L3MBTL1: variants seen among roughly 807,000 people sequenced by gnomAD.
L3MBTL1 encodes the protein lethal(3)malignant brain tumor-like protein 1.
L3MBTL1 carries 75 observed loss-of-function variants against 105.3 expected under a neutral mutation model. The ratio of observed to expected loss-of-function variants is 0.71; its 90% CI spans 0.59 to 0.86. The LOEUF (loss-of-function observed/expected upper bound fraction) is 0.86. L3MBTL1 is among the 40% of genes least tolerant of loss of function. The pLI is 0.00. For missense variants in L3MBTL1, 1,069 were observed against 1,126.4 expected (o/e 0.95, Z 0.73); for synonymous variants, 452 against 436.2 (o/e 1.04, Z -0.45).
At chr20:43,546,890 A>G (rs1213012715), downstream of L3MBTL1, among the ~76,000 whole-genome samples, 4 of 152,244 alleles carry the variant, frequency 2.6e-5, no homozygotes, top group South Asian at 2.1e-4. Flanking sequence ...TCATAACCAC[A>G]ATATTGTTAT....
chr20:43,529,612 A>G (rs1317544337), intron 9 of L3MBTL1, among the ~76,000 whole-genome samples: 8 of 152,194 alleles, frequency 5.3e-5, no homozygotes, highest in Non-Finnish European at 2.9e-5. Flanking sequence ...CCCGAGGGCC[A>G]GGGATGTTGG....
At chr20:43,528,560 GT>G in intron 7 of L3MBTL1, 96 bp from the exon 8 acceptor site, 1 of 857,416 alleles carries the variant, frequency 1.2e-6, no homozygotes, top group Admixed American at 1.9e-5. Context: ...ACAAAGATTT[GT>G]TTTGGGGGTG....
chr20:43,544,950 G>A (rs975832880), downstream of L3MBTL1, among the ~76,000 whole-genome samples: 2 of 152,008 alleles, frequency 1.3e-5, no homozygotes, highest in Non-Finnish European at 2.9e-5. Flanking sequence ...TGGGCACAGA[G>A]CAAGACTCTG....
intron 4 of L3MBTL1, 102 bp from the exon 5 acceptor site, chr20:43,514,907 C>G (rs1379679655): frequency 6.1e-6 from 9 of 1,477,650 alleles, no homozygotes; most frequent in African/African-American, 2.8e-5. Context: ...CCATCCGATG[C>G]GGAGATGGAC....
At position 43,530,321 on chromosome 20, in the gene L3MBTL1, A is replaced by G. The variant is rs1011970179; in HGVS notation, c.1094A>G (p.Tyr365Cys). ...CGCCTACGCCTGCACTTTGATGGGTATTCTGAGTGCCATGACTTCTGGGTC... is the reference window on the plus strand; with the variant it reads ...CGCCTACGCCTGCACTTTGATGGGTGTTCTGAGTGCCATGACTTCTGGGTC... ...GYRLRLHFDG[Y>C]SECHDFWVNA... The change falls in exon 10 of 22, where the codon TAT (tyrosine) becomes TGT (cysteine). Residue 365 changes from tyrosine to cysteine, a missense_variant. Transcript: ENST00000418998. The G allele has an allele frequency of 1.9e-6, 3 of 1,613,942 alleles. No homozygotes were observed. The African/African-American group carries it at 4.0e-5, about 22-fold the overall frequency.
intron 7 of L3MBTL1, among the ~76,000 whole-genome samples, chr20:43,518,379 A>G (rs572035795): frequency 6.6e-6 from 1 of 152,230 alleles, no homozygotes; most frequent in Non-Finnish European, 1.5e-5. Context: ...CGTCCCACAG[A>G]CCTGACATAC....
chr20:43,525,602 A>G (rs923651590), intron 7 of L3MBTL1, among the ~76,000 whole-genome samples: 3 of 152,202 alleles, frequency 2.0e-5, no homozygotes, highest in Non-Finnish European at 2.9e-5. Context: ...GGATATGCCT[A>G]AGAGCTCAGC....
chr20:43,534,872 C>T lies in L3MBTL1; in HGVS notation c.1755C>T (p.Asp585=), dbSNP rs151147054. 7.2e-4 allele frequency: 1,159 copies of T among 1,610,940 alleles called. No homozygotes were observed. Among genetic ancestry groups the T allele is most frequent in the Non-Finnish European group, 9.2e-4 (1,082 of 1,179,792 alleles). The change falls in exon 16 of 22, where the codon GAC becomes GAT. Residue 585 remains aspartate (D), a synonymous_variant. Coordinates refer to ENST00000418998, the MANE Select transcript of L3MBTL1 (RefSeq NM_001377303.1). ...GTCATGGCTATGATTTCTGGATCGACGCTGACCACCCAGACATCCACCCTG... is the reference window on the plus strand; with the variant it reads ...GTCATGGCTATGATTTCTGGATCGATGCTGACCACCCAGACATCCACCCTG... ...GWSHGYDFWI[D]ADHPDIHPAG...
At chr20:43,514,613 C>A (rs1305601747) in intron 3 of L3MBTL1, 22 bp from the exon 4 acceptor site, 4 of 1,598,840 alleles carry the variant, frequency 2.5e-6, no homozygotes, top group Middle Eastern at 1.7e-4. Flanking sequence ...AGTCGCAATC[C>A]TCAGACCCTC....
At chr20:43,543,721 C>G (rs955836610), downstream of L3MBTL1, among the ~76,000 whole-genome samples, 4 of 152,178 alleles carry the variant, frequency 2.6e-5, no homozygotes, top group African/African-American at 9.7e-5. Context: ...AAGATGCTCT[C>G]CATCTGGGAC....
In L3MBTL1 at chr20:43,530,511, T is replaced by A. The variant is rs1044265007; in HGVS notation, c.1192+92T>A. ...GGTCCCCGGCTTCCAGCTCTTTTGTTTTCTGACCCTGTACCCTGTTCCAAA... is the reference window on the plus strand; with the variant it reads ...GGTCCCCGGCTTCCAGCTCTTTTGTATTCTGACCCTGTACCCTGTTCCAAA... On this transcript the variant is annotated intron_variant, in intron 10 of 21. Coordinates refer to ENST00000418998, the MANE Select transcript of L3MBTL1 (RefSeq NM_001377303.1). 1.1e-5 allele frequency: 15 copies of A among 1,410,400 alleles called. No individual in the cohort carries two copies. The African/African-American group carries it at 2.2e-4, about 20-fold the overall frequency. 87.4% of individuals were successfully genotyped at this position (1,410,400 alleles called of 1,614,324 possible). A position where few individuals can be genotyped will look rare whatever the true frequency, so the allele number is the denominator to read the frequency against.
chr20:43,517,605 T>G (rs1169689422), intron 7 of L3MBTL1, among the ~76,000 whole-genome samples: 1 of 152,220 alleles, frequency 6.6e-6, no homozygotes, highest in African/African-American at 2.4e-5. Context: ...TCCCTGGTGC[T>G]TAGCTAGAGC....
At chr20:43,532,110 C>G (rs1253200312) in intron 11 of L3MBTL1, 3 of 152,448 alleles carry the variant, frequency 2.0e-5, no homozygotes, top group Non-Finnish European at 2.9e-5. Flanking sequence ...CAGGCAGAGA[C>G]AGTTACTCCC....
rs1279608198 is a variant in L3MBTL1 at position 43,539,878 on chromosome 20, C to T, written c.2174-273C>T. 9.1e-6 allele frequency: 5 copies of T among 551,496 alleles called. No individual in the cohort carries two copies. In the East Asian group the frequency reaches 1.6e-4, roughly 18 times the overall value. The allele number at this position is 551,496 out of a possible 1,614,324, so 34.2% of individuals were successfully genotyped here. On this transcript the variant is annotated intron_variant, in intron 19 of 21. Transcript: ENST00000418998. Reference sequence around the variant, plus strand: ...GCTCCAAGAGAGTATCCTTGCAGGGCCCAGGGTGGTGCAGCCTCAGAGAGA... The same window carrying T: ...GCTCCAAGAGAGTATCCTTGCAGGGTCCAGGGTGGTGCAGCCTCAGAGAGA...
exon 19 of L3MBTL1, chr20:43,548,529 C>T (rs1978780019): frequency 5.1e-6 from 1 of 197,498 alleles, no homozygotes; most frequent in African/African-American, 2.3e-5. Context: ...CCCCCACAGC[C>T]CCAGTGGACT....
chr20:43,519,774 G>A (rs556959348), intron 7 of L3MBTL1, among the ~76,000 whole-genome samples: 9 of 152,312 alleles, frequency 5.9e-5, no homozygotes, highest in African/African-American at 1.9e-4. Context: ...CTGAGTAACT[G>A]GGACTACAGG....
At chr20:43,511,764 G>A (rs1600887472) in intron 1 of L3MBTL1, among the ~76,000 whole-genome samples, 1 of 140,356 alleles carries the variant, frequency 7.1e-6, no homozygotes, top group African/African-American at 2.7e-5. Flanking sequence ...CTGGGCAACA[G>A]AGCGAGACTC....
At chr20:43,529,022 TTCCA>T (rs1459543114) in intron 8 of L3MBTL1, 5 of 601,896 alleles carry the variant, frequency 8.3e-6, no homozygotes, top group Non-Finnish European at 1.5e-5. Flanking sequence ...GCATTGATCT[TTCCA>T]TGACTTTGGT....
At chr20:43,550,800 C>A (rs575838362) in exon 19 of L3MBTL1, 2 of 152,228 alleles carry the variant, frequency 1.3e-5, no homozygotes, top group South Asian at 4.2e-4. Flanking sequence ...TTTGTACTTG[C>A]CTCTTGTGTG....
Sources: allele counts gnomAD v4.1 joint callset (sites outside exome capture counted in the v4.1 genomes callset), GRCh38; gene constraint gnomAD v4.1.1; transcripts MANE v1.5; gene names NCBI Gene and HGNC (gene_info 2026-07-23, HGNC 2026-07-21).